Variants in SMURF1 observed in about 807,000 individuals in gnomAD.
SMURF1 encodes the protein SMAD specific E3 ubiquitin protein ligase 1, also known as E3 ubiquitin-protein ligase SMURF1.
A neutral mutation model predicts 98.0 loss-of-function variants in SMURF1; 44 were observed. That is an observed-to-expected ratio of 0.45 (90% CI 0.35 to 0.58). SMURF1 has a LOEUF of 0.58. Ranked by LOEUF, SMURF1 falls within the 20% of genes least tolerant of loss-of-function variation. The pLI is 0.00. For synonymous variants in SMURF1, 396 were observed against 374.9 expected, an observed-to-expected ratio of 1.06 and a Z score of -0.65; for missense variants, 687 against 938.4, an observed-to-expected ratio of 0.73 and a Z score of 3.50.
Position 99,047,746 on chromosome 7 carries a change from A to G in SMURF1, c.1090T>C (p.Ser364Pro). The G allele has an allele frequency of 1.2e-6, 2 of 1,614,184 alleles. No homozygotes were observed. Among genetic ancestry groups the G allele is most frequent in the Non-Finnish European group, 1.7e-6 (2 of 1,180,046 alleles). ...QKLKVLRHELSLQQPQAGHCR... is the reference protein window; with the variant it reads ...QKLKVLRHELPLQQPQAGHCR... ...TGACCAGCTTGGGGCTGCTGAAGCGACAGTTCGTGTCTGAGGACTTTCAGC... is the reference window on the plus strand; with the variant it reads ...TGACCAGCTTGGGGCTGCTGAAGCGGCAGTTCGTGTCTGAGGACTTTCAGC... Residue 364 changes from serine to proline, a missense_variant, in exon 10 of 18, where the codon TCG becomes CCG. By Grantham distance (74) the Ser-to-Pro change is moderately conservative. Coordinates refer to ENST00000361368, the MANE Select transcript of SMURF1 (RefSeq NM_181349.3).
intron 1 of SMURF1, among the ~76,000 whole-genome samples, chr7:99,072,181 C>T (rs1796340936): frequency 6.6e-6 from 1 of 151,904 alleles, no homozygotes. Context: ...TGTGTTCTAC[C>T]AAATGAGGCA....
In SMURF1 at chr7:99,030,092, T is replaced by G. The variant is rs981981195; in HGVS notation, c.*492A>C. The G allele has an allele frequency of 6.4e-6, 1 of 155,068 alleles. No homozygotes were observed. The highest frequency in any genetic ancestry group is 2.4e-5 in the African/African-American group (1 of 41,508). The allele number at this position is 155,068 out of a possible 1,614,324, so 9.6% of individuals were successfully genotyped here. ...TGCTACCCAGAACCGGCTGCTGGGA[T>G]GTGAAATCTGGAATCTGAGCTCTGA... On this transcript the variant is annotated 3_prime_UTR_variant, in exon 18 of 18. Coordinates refer to ENST00000361368, the MANE Select transcript of SMURF1 (RefSeq NM_181349.3).
At position 99,110,950 on chromosome 7, in the gene SMURF1, T is replaced by G. The variant is rs184470658; in HGVS notation, c.55+32776A>C. On this transcript the variant is annotated intron_variant, in intron 1 of 17. Coordinates refer to ENST00000361368, the MANE Select transcript of SMURF1 (RefSeq NM_181349.3). ...AAGTGGTAGACATAGGGTGCCGCCT[T>G]TTGTGTAAAAAGGGAGTTAACAAGT... 1.1e-3 allele frequency among the ~76,000 whole-genome samples: 166 copies of G among 152,342 alleles called. 1 individual carries two copies. Among genetic ancestry groups the G allele is most frequent in the Admixed American group, 0.011 (164 of 15,304 alleles).
At chr7:99,140,784 T>A (rs1335315202) in intron 1 of SMURF1, among the ~76,000 whole-genome samples, 1 of 149,922 alleles carries the variant, frequency 6.7e-6, no homozygotes, top group East Asian at 1.9e-4. Context: ...ATCCCTCATT[T>A]TTAACAGTCT....
At chr7:99,135,957 TCTTA>T (rs1563045202) in intron 1 of SMURF1, among the ~76,000 whole-genome samples, 1 of 152,212 alleles carries the variant, frequency 6.6e-6, no homozygotes, top group Non-Finnish European at 1.5e-5. Context: ...ATTGTTTCAT[TCTTA>T]CTTTTAATTT....
intron 7 of SMURF1, among the ~76,000 whole-genome samples, chr7:99,051,852 T>C (rs1361354634): frequency 6.6e-6 from 1 of 152,180 alleles, no homozygotes; most frequent in Non-Finnish European, 1.5e-5. Context: ...CACAGGCTAC[T>C]CAAAAAGGGT....
At chr7:99,032,682 A>G (rs1028743795) in intron 17 of SMURF1, among the ~76,000 whole-genome samples, 21 of 152,154 alleles carry the variant, frequency 1.4e-4, no homozygotes, top group Non-Finnish European at 2.6e-4. Flanking sequence ...CAAAAAACTA[A>G]ATCAAGAGAA....
chr7:99,090,864 G>A (rs1415192793), intron 1 of SMURF1, among the ~76,000 whole-genome samples: 1 of 152,180 alleles, frequency 6.6e-6, no homozygotes, highest in African/African-American at 2.4e-5. Context: ...AAATGCTGCG[G>A]GCAGAATTCT....
intron 1 of SMURF1, among the ~76,000 whole-genome samples, chr7:99,109,744 G>A (rs1313660913): frequency 2.0e-5 from 3 of 152,210 alleles, no homozygotes; most frequent in Admixed American, 1.3e-4. Context: ...CAAAGATAAC[G>A]AAAAAGCATT....
intron 1 of SMURF1, among the ~76,000 whole-genome samples, chr7:99,072,124 A>G (rs1418222870): frequency 6.6e-6 from 1 of 152,078 alleles, no homozygotes; most frequent in Non-Finnish European, 1.5e-5. Context: ...AAAAAAAAGT[A>G]ATCATAAGTA....
intron 1 of SMURF1, among the ~76,000 whole-genome samples, chr7:99,124,056 G>C (rs891484430): frequency 6.6e-6 from 1 of 152,170 alleles, no homozygotes; most frequent in African/African-American, 2.4e-5. Flanking sequence ...TGACTCCATT[G>C]CATCTCACCG....
intron 1 of SMURF1, among the ~76,000 whole-genome samples, chr7:99,072,045 C>G (rs1796336217): frequency 6.6e-6 from 1 of 151,862 alleles, no homozygotes; most frequent in African/African-American, 2.4e-5. Context: ...CACCACCGCA[C>G]TCCAGCCTGG....
At chr7:99,096,395 C>T (rs1047287298) in intron 1 of SMURF1, among the ~76,000 whole-genome samples, 1 of 152,150 alleles carries the variant, frequency 6.6e-6, no homozygotes, top group African/African-American at 2.4e-5. Context: ...AGTCTCAGAA[C>T]ATAATAACCA....
chr7:99,127,724 G>A (rs1360004551), intron 1 of SMURF1, among the ~76,000 whole-genome samples: 3 of 151,918 alleles, frequency 2.0e-5, no homozygotes, highest in Non-Finnish European at 4.4e-5. Flanking sequence ...AACAAGTTGG[G>A]TTTTTTTCCT....
chr7:99,049,424 C>T (rs978677653), intron 9 of SMURF1, 139 bp downstream of exon 9: 7 of 883,972 alleles, frequency 7.9e-6, no homozygotes, highest in African/African-American at 5.1e-5. Flanking sequence ...TGCAATTATC[C>T]GCCAGATATT....
At position 99,143,881 on chromosome 7, in the gene SMURF1, T is replaced by C; in HGVS notation, c.-101A>G. ...CCGCCTCAAGGTTACGGCTCCGGGCTGGGCGCCGGGGTCCGAGCCGGGACA... is the reference window on the plus strand; with the variant it reads ...CCGCCTCAAGGTTACGGCTCCGGGCCGGGCGCCGGGGTCCGAGCCGGGACA... On this transcript the variant is annotated 5_prime_UTR_variant, in exon 1 of 18. Coordinates refer to ENST00000361368, the MANE Select transcript of SMURF1 (RefSeq NM_181349.3). 9.1e-7 allele frequency: 1 copy of C among 1,094,776 alleles called. No homozygotes were observed. Among genetic ancestry groups the C allele is most frequent in the Non-Finnish European group, 1.2e-6 (1 of 825,704 alleles). The allele number at this position is 1,094,776 out of a possible 1,614,324, so 67.8% of individuals were successfully genotyped here.
intron 1 of SMURF1, among the ~76,000 whole-genome samples, chr7:99,063,268 T>G (rs1488017325): frequency 2.0e-3 from 25 of 12,372 alleles, no homozygotes; most frequent in East Asian, 5.3e-3. Flanking sequence ...TATATATATA[T>G]ATATATATAT....
chr7:99,057,654 G>A, intron 3 of SMURF1, 103 bp from the exon 4 acceptor site: 4 of 1,339,402 alleles, frequency 3.0e-6, no homozygotes, highest in South Asian at 1.7e-5. Context: ...CCCCAGGCTG[G>A]AGTGCAGTTG....
intron 1 of SMURF1, among the ~76,000 whole-genome samples, chr7:99,093,797 G>T (rs1270899426): frequency 6.6e-6 from 1 of 151,924 alleles, no homozygotes; most frequent in Non-Finnish European, 1.5e-5. Context: ...CTATATATGG[G>T]ATTAGAAGCC....
Sources: allele counts gnomAD v4.1 joint callset (sites outside exome capture counted in the v4.1 genomes callset), GRCh38; gene constraint gnomAD v4.1.1; transcripts MANE v1.5; gene names NCBI Gene and HGNC (gene_info 2026-07-23, HGNC 2026-07-21).